ZNF562: variants seen among roughly 807,000 people sequenced by gnomAD.
ZNF562 encodes zinc finger protein 562.
A neutral mutation model predicts 17.5 loss-of-function variants in ZNF562; 13 were observed. The observed-to-expected ratio is 0.74, with a 90% CI of 0.48 to 1.18. The LOEUF is 1.18. Ranked by LOEUF, ZNF562 falls within the 50% of genes most tolerant of loss-of-function variation. The pLI, the probability that ZNF562 is intolerant of heterozygous loss-of-function variation, is 0.00. For synonymous variants in ZNF562, 163 were observed against 165.4 expected, an observed-to-expected ratio of 0.99 and a Z score of 0.11; for missense variants, 481 against 498.5, an observed-to-expected ratio of 0.96 and a Z score of 0.33.
rs1228628892 is a variant in ZNF562 at position 9,652,726 on chromosome 19, C to T, written c.*223G>A. On this transcript the variant is annotated 3_prime_UTR_variant, in exon 6 of 6. Coordinates refer to ENST00000453372, the MANE Select transcript of ZNF562 (RefSeq NM_001130031.2). ...TTTAGGACTAATCTGATGATCTTTGCACTGCCAATAATTAAAGATGGCAAC... is the reference window on the plus strand; with the variant it reads ...TTTAGGACTAATCTGATGATCTTTGTACTGCCAATAATTAAAGATGGCAAC... 3 of 400,570 alleles carry T rather than the reference C, an allele frequency of 7.5e-6. No individual in the cohort carries two copies. The highest frequency in any genetic ancestry group is 1.3e-5 in the Non-Finnish European group (3 of 228,874). The allele number at this position is 400,570 out of a possible 1,614,324, so 24.8% of individuals were successfully genotyped here.
At chr19:9,667,501 T>A (rs1568278992) in intron 1 of ZNF562, among the ~76,000 whole-genome samples, 1 of 152,186 alleles carries the variant, frequency 6.6e-6, no homozygotes, top group Non-Finnish European at 1.5e-5. Flanking sequence ...AACATAATAC[T>A]ATAAGTTCTG....
At position 9,646,126 on chromosome 19, in the gene ZNF562, C is replaced by T. The variant is rs1045511800; in HGVS notation, c.*6823G>A. ...CACTCTTGTTGCCCAGGCTGCAGTG[C>T]AATGGCGTGATCTCGGCTCACTGCA... On this transcript the variant is annotated 3_prime_UTR_variant, in exon 6 of 6. Coordinates refer to ENST00000453372, the MANE Select transcript of ZNF562 (RefSeq NM_001130031.2). 2 of 148,328 alleles carry T rather than the reference C, an allele frequency of 1.3e-5. No individual in the cohort carries two copies. The highest frequency in any genetic ancestry group is 3.0e-5 in the Non-Finnish European group (2 of 67,592). The allele number at this position is 148,328 out of a possible 1,614,324, so 9.2% of individuals were successfully genotyped here.
intron 5 of ZNF562, among the ~76,000 whole-genome samples, chr19:9,654,495 A>G (rs997035354): frequency 1.3e-5 from 2 of 151,748 alleles, no homozygotes; most frequent in African/African-American, 4.8e-5. Context: ...TTTGAGATGG[A>G]GTCTCACTTT....
At chr19:9,667,309 T>C (rs1294889019) in intron 1 of ZNF562, among the ~76,000 whole-genome samples, 3 of 152,118 alleles carry the variant, frequency 2.0e-5, no homozygotes, top group African/African-American at 7.2e-5. Flanking sequence ...TTTGATAAAA[T>C]TCAATATCCC....
rs187998983 is a variant in ZNF562 at position 9,649,568 on chromosome 19, T to A, written c.*3381A>T. The A allele has an allele frequency of 6.6e-6, 1 of 152,106 alleles. No individual in the cohort carries two copies. The highest frequency in any genetic ancestry group is 1.5e-5 in the Non-Finnish European group (1 of 68,024). 9.4% of individuals were successfully genotyped at this position (152,106 alleles called of 1,614,324 possible). ...GGCCCCCCTGGGTGTAGCCATCTCT[T>A]ATGGTCGAGACTGCAGGGGTGAAAT... On this transcript the variant is annotated 3_prime_UTR_variant, in exon 6 of 6. Coordinates refer to ENST00000453372, the MANE Select transcript of ZNF562 (RefSeq NM_001130031.2).
intron 5 of ZNF562, among the ~76,000 whole-genome samples, chr19:9,656,203 G>C (rs1414374534): frequency 6.6e-6 from 1 of 152,130 alleles, no homozygotes; most frequent in Non-Finnish European, 1.5e-5. Context: ...TTTTCTGAGA[G>C]AGGAAATTAA....
At chr19:9,673,842 C>T (rs919618359) in intron 1 of ZNF562, among the ~76,000 whole-genome samples, 8 of 151,862 alleles carry the variant, frequency 5.3e-5, no homozygotes, top group Non-Finnish European at 1.0e-4. Context: ...CCCATCTCTA[C>T]CAAAAATATA....
chr19:9,655,340 T>C (rs1220423637), intron 5 of ZNF562, among the ~76,000 whole-genome samples: 1 of 152,132 alleles, frequency 6.6e-6, no homozygotes, highest in Non-Finnish European at 1.5e-5. Context: ...TAGTTACATA[T>C]GTGGGAATAT....
intron 5 of ZNF562, among the ~76,000 whole-genome samples, chr19:9,655,717 C>CTTTTTTTTTTTTTTTTTTTT (rs58199071): frequency 6.2e-5 from 3 of 48,694 alleles, no homozygotes; most frequent in African/African-American, 1.6e-4. Flanking sequence ...TCTTTTCTTT[C>CTTTTTTTTTTTTTTTTTTTT]TTTTTTTTTT....
In ZNF562 at chr19:9,650,734, A is replaced by G. The variant is rs7343078; in HGVS notation, c.*2215T>C. The G allele has an allele frequency of 0.3, 45,188 of 151,864 alleles. 8,358 individuals carry two copies. Among genetic ancestry groups the G allele is most frequent in the African/African-American group, 0.51 (21,083 of 41,332 alleles). The allele number at this position is 151,864 out of a possible 1,614,324, so 9.4% of individuals were successfully genotyped here. On this transcript the variant is annotated 3_prime_UTR_variant, in exon 6 of 6. Coordinates refer to ENST00000453372, the MANE Select transcript of ZNF562 (RefSeq NM_001130031.2). Reference sequence around the variant, plus strand: ...GGAGGCCAAGGCAGGTGGATCACCAAAGGTCAGATCTGACCAACATGGAGA... The same window carrying G: ...GGAGGCCAAGGCAGGTGGATCACCAGAGGTCAGATCTGACCAACATGGAGA...
At chr19:9,666,372 G>A (rs896273205) in intron 1 of ZNF562, among the ~76,000 whole-genome samples, 2 of 151,520 alleles carry the variant, frequency 1.3e-5, no homozygotes, top group African/African-American at 4.8e-5. Flanking sequence ...TTTGGTTTTG[G>A]TATGTTGACA....
At chr19:9,671,025 T>G (rs2044179185) in intron 1 of ZNF562, among the ~76,000 whole-genome samples, 1 of 151,474 alleles carries the variant, frequency 6.6e-6, no homozygotes, top group South Asian at 2.1e-4. Flanking sequence ...AGAGGTTGAT[T>G]CATCGGTAAA....
chr19:9,668,549 T>G (rs1450742472), intron 1 of ZNF562, among the ~76,000 whole-genome samples: 2 of 152,018 alleles, frequency 1.3e-5, no homozygotes, highest in East Asian at 3.8e-4. Flanking sequence ...CCAAAGCAAT[T>G]TACAATTAAG....
chr19:9,664,582 G>A (rs1303403830), intron 1 of ZNF562, among the ~76,000 whole-genome samples: 4 of 152,162 alleles, frequency 2.6e-5, no homozygotes, highest in Non-Finnish European at 4.4e-5. Context: ...TTTCTTGCAC[G>A]GTTTGGCTTA....
chr19:9,665,661 G>A (rs2043930681), intron 1 of ZNF562, among the ~76,000 whole-genome samples: 1 of 152,188 alleles, frequency 6.6e-6, no homozygotes, highest in South Asian at 2.1e-4. Flanking sequence ...TTCTGGATGG[G>A]CAGTATTCTT....
chr19:9,656,516 GA>G (rs2043489962), intron 5 of ZNF562, 30 bp downstream of exon 5: 4 of 1,608,504 alleles, frequency 2.5e-6, no homozygotes, highest in Admixed American at 1.7e-5. Context: ...AAAAACAGAA[GA>G]AAAAAATAAG....
In ZNF562 at chr19:9,650,079, A is replaced by C. The variant is rs1291086766; in HGVS notation, c.*2870T>G. The C allele has an allele frequency of 6.6e-6, 1 of 152,194 alleles. No individual in the cohort carries two copies. Among genetic ancestry groups the C allele is most frequent in the Non-Finnish European group, 1.5e-5 (1 of 68,040 alleles). The allele number at this position is 152,194 out of a possible 1,614,324, so 9.4% of individuals were successfully genotyped here. On this transcript the variant is annotated 3_prime_UTR_variant, in exon 6 of 6. Coordinates refer to ENST00000453372, the MANE Select transcript of ZNF562 (RefSeq NM_001130031.2). ...CAGGACATAACCTCTTCAAAAAATAAAAAAGAAATAAAAGCCTACAGCCAA... is the reference window on the plus strand; with the variant it reads ...CAGGACATAACCTCTTCAAAAAATACAAAAGAAATAAAAGCCTACAGCCAA...
At chr19:9,662,932 C>T (rs972477326) in intron 1 of ZNF562, among the ~76,000 whole-genome samples, 17 of 151,344 alleles carry the variant, frequency 1.1e-4, no homozygotes, top group African/African-American at 2.9e-4. Flanking sequence ...GAGAATCACT[C>T]GAACCCGGGA....
rs1422653888 is a variant in ZNF562 at position 9,651,613 on chromosome 19, CTG to C, written c.*1334_*1335del. The C allele has an allele frequency of 6.6e-6, 1 of 152,238 alleles. No homozygotes were observed. Among genetic ancestry groups the C allele is most frequent in the Admixed American group, 6.5e-5 (1 of 15,280 alleles). The allele number at this position is 152,238 out of a possible 1,614,324, so 9.4% of individuals were successfully genotyped here. Reference sequence around the variant, plus strand: ...CACCTGGCCCACCCAGGGCAGAAAACTGGAAAACTGCTCAAGGCATTCCTAAA... The same window carrying C: ...CACCTGGCCCACCCAGGGCAGAAAACGAAAACTGCTCAAGGCATTCCTAAA... On this transcript the variant is annotated 3_prime_UTR_variant, in exon 6 of 6. Transcript: ENST00000453372.
Sources: allele counts gnomAD v4.1 joint callset (sites outside exome capture counted in the v4.1 genomes callset), GRCh38; gene constraint gnomAD v4.1.1; transcripts MANE v1.5; gene names NCBI Gene and HGNC (gene_info 2026-07-23, HGNC 2026-07-21).